Variants in HS3ST4 observed in about 807,000 individuals in gnomAD.
HS3ST4 encodes the protein heparan sulfate-glucosamine 3-sulfotransferase 4, also known as heparan sulfate glucosamine 3-O-sulfotransferase 4.
HS3ST4 carries 17 observed loss-of-function variants against 29.2 expected under a neutral mutation model. The ratio of observed to expected loss-of-function variants is 0.58; its 90% confidence interval spans 0.40 to 0.87. The LOEUF is 0.87. HS3ST4 is among the 40% of genes least tolerant of loss of function. HS3ST4 has a pLI of 0.00. For synonymous variants in HS3ST4, 314 were observed against 285.7 expected (o/e 1.10, Z -1.00); for missense variants, 627 against 634.5 (o/e 0.99, Z 0.13).
At chr16:26,043,668 ACT>A (rs542514575) in intron 1 of HS3ST4, among the ~76,000 whole-genome samples, 17 of 152,146 alleles carry the variant, frequency 1.1e-4, no homozygotes, top group African/African-American at 4.1e-4. Flanking sequence ...TACCAGGGAG[ACT>A]CTCTGAAACA....
Position 25,911,074 on chromosome 16 carries a change from G to A in HS3ST4, c.734+217923G>A, listed in dbSNP as rs150176437. Among the ~76,000 whole-genome samples, 25 of 152,300 alleles carry A rather than the reference G, an allele frequency of 1.6e-4. No homozygotes were observed. The East Asian group carries it at 3.5e-3, about 21-fold the overall frequency. On this transcript the variant is annotated intron_variant, in intron 1 of 1. Transcript: ENST00000331351. ...GCTGTAAGGGCCAATAAATAGTGACGTTGCTGCAGTTTATTGTATTGAGAA... is the reference window on the plus strand; with the variant it reads ...GCTGTAAGGGCCAATAAATAGTGACATTGCTGCAGTTTATTGTATTGAGAA...
chr16:26,056,857 C>T (rs1166189671), intron 1 of HS3ST4, among the ~76,000 whole-genome samples: 1 of 152,216 alleles, frequency 6.6e-6, no homozygotes, highest in Non-Finnish European at 1.5e-5. Context: ...ACAAGTTCAA[C>T]ATCTGTATCA....
intron 1 of HS3ST4, among the ~76,000 whole-genome samples, chr16:25,706,766 G>T (rs1439828121): frequency 6.6e-6 from 1 of 152,190 alleles, no homozygotes; most frequent in Non-Finnish European, 1.5e-5. Flanking sequence ...ATGGAATGAA[G>T]ATTATGAACC....
chr16:25,953,923 G>T (rs1409012351), intron 1 of HS3ST4, among the ~76,000 whole-genome samples: 3 of 152,310 alleles, frequency 2.0e-5, no homozygotes, highest in African/African-American at 7.2e-5. Flanking sequence ...TGATTGAGGG[G>T]TGCTCCTGCG....
At chr16:25,850,240 G>A (rs966266126) in intron 1 of HS3ST4, among the ~76,000 whole-genome samples, 7 of 151,994 alleles carry the variant, frequency 4.6e-5, no homozygotes, top group African/African-American at 7.2e-5. Context: ...CACCTGCCTC[G>A]GCCTCCCAAA....
At chr16:25,951,591 C>T (rs1968683861) in intron 1 of HS3ST4, among the ~76,000 whole-genome samples, 1 of 152,310 alleles carries the variant, frequency 6.6e-6, no homozygotes, top group South Asian at 2.1e-4. Flanking sequence ...CTATCTGTAT[C>T]CCACTTTCTA....
intron 1 of HS3ST4, among the ~76,000 whole-genome samples, chr16:25,916,674 T>C (rs1243501084): frequency 8.5e-6 from 1 of 117,496 alleles, no homozygotes; most frequent in Non-Finnish European, 1.8e-5. Context: ...AAATGCATTC[T>C]TTTTTTTTTT....
chr16:26,051,912 C>CCTTCCTTCCTTCCTT (rs1567302217), intron 1 of HS3ST4, among the ~76,000 whole-genome samples: 3 of 108,118 alleles, frequency 2.8e-5, no homozygotes, highest in African/African-American at 1.5e-4. Context: ...CTCCCTCCCT[C>CCTTCCTTCCTTCCTT]CCTTCCTTCC....
rs549391686 is a variant in HS3ST4 at position 26,003,361 on chromosome 16, T to C, written c.735-132251T>C. ...ATCTCTTAGAACAGGGTCTGACACA[T>C]AGTCACTGCTCAAGAAGTGTTAGCT... On this transcript the variant is annotated intron_variant, in intron 1 of 1. Coordinates refer to ENST00000331351, the MANE Select transcript of HS3ST4 (RefSeq NM_006040.3). 2.5e-4 allele frequency among the ~76,000 whole-genome samples: 38 copies of C among 152,302 alleles called. 1 individual carries two copies. The South Asian group carries it at 7.9e-3, about 32-fold the overall frequency.
At chr16:26,107,053 G>A (rs1899066750) in intron 1 of HS3ST4, among the ~76,000 whole-genome samples, 1 of 152,014 alleles carries the variant, frequency 6.6e-6, no homozygotes, top group Non-Finnish European at 1.5e-5. Context: ...AACTCTCTGA[G>A]GGGTTAGTTA....
At chr16:25,714,813 C>T (rs374905489) in intron 1 of HS3ST4, among the ~76,000 whole-genome samples, 219 of 152,356 alleles carry the variant, frequency 1.4e-3, no homozygotes, top group Non-Finnish European at 2.4e-3. Context: ...AACCACTTCT[C>T]TCCTGATGGA....
chr16:26,069,967 T>C (rs1898583615), intron 1 of HS3ST4, among the ~76,000 whole-genome samples: 1 of 152,160 alleles, frequency 6.6e-6, no homozygotes, highest in Non-Finnish European at 1.5e-5. Flanking sequence ...TGTTGGACAT[T>C]TGGGTTTGTT....
At chr16:25,929,057 C>A (rs1413794690) in intron 1 of HS3ST4, among the ~76,000 whole-genome samples, 3 of 152,120 alleles carry the variant, frequency 2.0e-5, no homozygotes. Flanking sequence ...ATGGTGAAAG[C>A]AACCCTGTTT....
chr16:26,002,853 A>G (rs1317709487), intron 1 of HS3ST4, among the ~76,000 whole-genome samples: 5 of 152,206 alleles, frequency 3.3e-5, no homozygotes, highest in Middle Eastern at 3.4e-3. Flanking sequence ...AAAGAGCACA[A>G]AGTTTGAGTT....
intron 1 of HS3ST4, among the ~76,000 whole-genome samples, chr16:25,989,750 T>C (rs1888562888): frequency 6.6e-6 from 1 of 152,192 alleles, no homozygotes; most frequent in Non-Finnish European, 1.5e-5. Flanking sequence ...CATATATTAA[T>C]AGATGGTCAA....
chr16:25,779,073 T>G (rs1395012275), intron 1 of HS3ST4, among the ~76,000 whole-genome samples: 1 of 152,176 alleles, frequency 6.6e-6, no homozygotes, highest in Non-Finnish European at 1.5e-5. Flanking sequence ...ACAGCTGTGA[T>G]TGACCTGACT....
intron 1 of HS3ST4, among the ~76,000 whole-genome samples, chr16:25,932,753 G>A (rs768460989): frequency 3.3e-5 from 5 of 152,196 alleles, no homozygotes; most frequent in Non-Finnish European, 7.3e-5. Context: ...TTTTACAGAG[G>A]AAGCGTCTGA....
At chr16:26,054,204 C>A in intron 1 of HS3ST4, among the ~76,000 whole-genome samples, 1 of 150,598 alleles carries the variant, frequency 6.6e-6, no homozygotes, top group Non-Finnish European at 1.5e-5. Flanking sequence ...CCATACCTGA[C>A]TGGTTGGATT....
intron 1 of HS3ST4, among the ~76,000 whole-genome samples, chr16:25,884,946 AG>A (rs779701564): frequency 3.3e-5 from 5 of 152,190 alleles, no homozygotes; most frequent in Non-Finnish European, 7.3e-5. Flanking sequence ...TGGTTCATAA[AG>A]GTTACTTAAA....
Sources: gnomAD v4.1 joint callset for allele counts (sites outside exome capture counted in the v4.1 genomes callset) on GRCh38, gnomAD v4.1.1 for gene constraint, MANE v1.5 for transcripts, NCBI Gene and HGNC (gene_info 2026-07-23, HGNC 2026-07-21) for gene names.